The following SMC3 variants were observed in gnomAD, a reference collection of about 807,000 sequenced individuals.
The protein encoded by SMC3 is structural maintenance of chromosomes protein 3.
Under a neutral mutation model 171.8 loss-of-function variants are expected in SMC3, and 20 were observed. The observed-to-expected ratio is 0.12, with a 90% CI of 0.08 to 0.17. SMC3 has a LOEUF of 0.17. Among genes scored for constraint, SMC3 ranks in the 10% least tolerant of loss-of-function variants. The pLI is 1.00. For missense variants in SMC3, 543 were observed against 1,420.4 expected, an observed-to-expected ratio of 0.38 and a Z score of 9.93; for synonymous variants, 464 against 451.1, an observed-to-expected ratio of 1.03 and a Z score of -0.36.
At position 110,583,458 on chromosome 10, in the gene SMC3, T is replaced by C. The variant is rs1283783725; in HGVS notation, c.879T>C (p.Ala293=). The C allele has an allele frequency of 1.9e-6, 3 of 1,614,036 alleles. No individual in the cohort carries two copies. Among genetic ancestry groups the C allele is most frequent in the Admixed American group, 1.7e-5 (1 of 60,034 alleles). The change falls in exon 11 of 29, where the codon GCT becomes GCC. Residue 293 remains alanine, a synonymous_variant. Transcript: ENST00000361804. ...AMKEEKEQLS[A]ERQEQIKQRT... is the part of the protein sequence containing the mutation. The stretch of plus-strand genomic sequence containing the variant: ...AAGAAGAAAAAGAACAGCTTAGTGC[T>C]GAAAGACAAGAGCAGATTAAGCAGA...
Position 110,569,383 on chromosome 10 carries a change from C to A in SMC3, c.91+370C>A, listed in dbSNP as rs73350936. On this transcript the variant is annotated intron_variant, in intron 2 of 28. Transcript: ENST00000361804. ...AAAGTAGATGCCAGGATTCCCCCCCCACCCCGGCAGTCAGTGTCTCTAAGG... is the reference window on the plus strand; with the variant it reads ...AAAGTAGATGCCAGGATTCCCCCCCAACCCCGGCAGTCAGTGTCTCTAAGG... 5.2e-3 allele frequency among the ~76,000 whole-genome samples: 788 copies of A among 152,160 alleles called. 8 individuals carry two copies. The highest frequency in any genetic ancestry group is 0.018 in the African/African-American group (735 of 41,512).
intron 2 of SMC3, among the ~76,000 whole-genome samples, chr10:110,570,675 T>C (rs1860857612): frequency 6.6e-6 from 1 of 152,220 alleles, no homozygotes; most frequent in Non-Finnish European, 1.5e-5. Flanking sequence ...ATCTGTAACT[T>C]ACTAGCTAGA....
chr10:110,578,025 C>T (rs915597410), intron 6 of SMC3, 111 bp downstream of exon 6: 11 of 742,012 alleles, frequency 1.5e-5, no homozygotes, highest in East Asian at 5.3e-5. Context: ...TGATCCACCT[C>T]GGCTTCCTAA....
chr10:110,585,394 A>G (rs1439474852), intron 13 of SMC3, among the ~76,000 whole-genome samples: 5 of 149,996 alleles, frequency 3.3e-5, no homozygotes, highest in African/African-American at 9.8e-5. Context: ...AGTTCAAGCA[A>G]TTCTCTGCCT....
In SMC3 at chr10:110,582,588, A is replaced by G. The variant is rs1225492966; in HGVS notation, c.750A>G (p.Gly250=). Residue 250 remains glycine, a synonymous_variant, in exon 10 of 29, where the codon GGA becomes GGG. Coordinates refer to ENST00000361804, the MANE Select transcript of SMC3 (RefSeq NM_005445.4). ...TTTCTGCTAAGCGAGAGACTAGTGG[A>G]GAAAAATCCAGACAATTAAGAGATG... The part of the protein sequence containing the change: ...DELSAKRETS[G]EKSRQLRDAQ... The G allele has an allele frequency of 6.2e-7, 1 of 1,613,726 alleles. No individual in the cohort carries two copies. Among genetic ancestry groups the G allele is most frequent in the Non-Finnish European group, 8.5e-7 (1 of 1,179,618 alleles).
In SMC3 at chr10:110,605,330, T is replaced by G. The variant is rs1861452234; in HGVS notation, c.*1028T>G. On this transcript the variant is annotated 3_prime_UTR_variant, in exon 29 of 29. Transcript: ENST00000361804. ...TACCTCAATAGTCCTCGTAGCTTTT[T>G]GTAGATTCTTTGAGATTTTCTACAT... is the stretch of plus-strand genomic sequence containing the variant. 6.6e-6 allele frequency among the ~76,000 whole-genome samples: 1 copy of G among 152,176 alleles called. No individual in the cohort carries two copies. Among genetic ancestry groups the G allele is most frequent in the South Asian group, 2.1e-4 (1 of 4,826 alleles).
Position 110,583,425 on chromosome 10 carries a change from A to G in SMC3, c.846A>G (p.Ser282=). Residue 282 remains serine, a synonymous_variant, in exon 11 of 29, where the codon TCA becomes TCG. Transcript: ENST00000361804. ...RQVRELKTKI[S]AMKEEKEQLS... is the part of the protein sequence containing the mutation. ...TTAGAGAATTGAAAACAAAAATTTC[A>G]GCTATGAAAGAAGAAAAAGAACAGC... 1 of 1,614,058 alleles carries G rather than the reference A, an allele frequency of 6.2e-7. No individual in the cohort carries two copies. The highest frequency in any genetic ancestry group is 8.5e-7 in the Non-Finnish European group (1 of 1,179,950).
At chr10:110,595,917 C>CTT (rs10639343) in intron 18 of SMC3, among the ~76,000 whole-genome samples, 7,986 of 101,416 alleles carry the variant, frequency 0.079, 538 homozygotes, top group African/African-American at 0.12. Context: ...ACTGGAGGTT[C>CTT]TTTTTTTTTT....
In SMC3 at chr10:110,601,789, T is replaced by C; in HGVS notation, c.2797T>C (p.Leu933=). The C allele has an allele frequency of 6.2e-7, 1 of 1,613,878 alleles. No individual in the cohort carries two copies. Among genetic ancestry groups the C allele is most frequent in the Middle Eastern group, 1.7e-4 (1 of 6,056 alleles). The change falls in exon 24 of 29, where the codon TTG becomes CTG. Residue 933 remains leucine (L), a synonymous_variant. Transcript: ENST00000361804. ...EKMTNRQGML[L]KKKEECMKKI... Reference sequence around the variant, plus strand: ...GATGACAAATCGGCAAGGCATGCTATTGAAGAAGAAAGAAGAGTGTATGAA... The same window carrying C: ...GATGACAAATCGGCAAGGCATGCTACTGAAGAAGAAAGAAGAGTGTATGAA...
intron 7 of SMC3, 107 bp downstream of exon 7, chr10:110,578,813 C>G (rs910984772): frequency 1.2e-6 from 1 of 813,934 alleles, no homozygotes; most frequent in African/African-American, 1.7e-5. Context: ...CAAAAATGGC[C>G]ATATTCTTTT....
intron 11 of SMC3, 25 bp from the exon 12 acceptor site, chr10:110,583,809 TAAAGCAG>T: frequency 2.5e-6 from 4 of 1,608,950 alleles, no homozygotes; most frequent in Non-Finnish European, 3.4e-6. Flanking sequence ...GCAAAAAATT[TAAAGCAG>T]TTTGCATTTT....
intron 15 of SMC3, 75 bp downstream of exon 15, chr10:110,590,066 TTCAAGG>T: frequency 7.6e-7 from 1 of 1,323,568 alleles, no homozygotes; most frequent in Non-Finnish European, 1.1e-6. Context: ...TTTTTTACCT[TTCAAGG>T]TGTAGGTCAT....
chr10:110,596,356 T>C, intron 18 of SMC3, 42 bp from the exon 19 acceptor site: 1 of 1,548,504 alleles, frequency 6.5e-7, no homozygotes, highest in Admixed American at 2.0e-5. Context: ...TATCATTGAA[T>C]AAAAAAGTTG....
chr10:110,602,683 T>G lies in SMC3; in HGVS notation c.3297+18T>G, dbSNP rs1273743290. 1.4e-5 allele frequency: 23 copies of G among 1,603,086 alleles called. No homozygotes were observed. Among genetic ancestry groups the G allele is most frequent in the Non-Finnish European group, 1.9e-5 (22 of 1,170,078 alleles). On this transcript the variant is annotated intron_variant, in intron 26 of 28. Coordinates refer to ENST00000361804, the MANE Select transcript of SMC3 (RefSeq NM_005445.4). ...GAATTAGGGTAAAATACCTTTATAT[T>G]CCATTTTCCTCAGAGCATTACCATA... is the stretch of plus-strand genomic sequence containing the variant.
intron 2 of SMC3, 151 bp downstream of exon 2, chr10:110,569,164 C>A: frequency 1.5e-6 from 1 of 661,516 alleles, no homozygotes; most frequent in South Asian, 1.7e-5. Context: ...TCTTATTGCA[C>A]TGATGAATTG....
At chr10:110,588,033 C>G (rs1861151103) in intron 13 of SMC3, among the ~76,000 whole-genome samples, 1 of 152,178 alleles carries the variant, frequency 6.6e-6, no homozygotes, top group Non-Finnish European at 1.5e-5. Context: ...GCTGTGTCAC[C>G]AGGTTGGAGT....
chr10:110,576,679 A>G (rs945495497), intron 4 of SMC3, among the ~76,000 whole-genome samples: 12 of 152,170 alleles, frequency 7.9e-5, no homozygotes, highest in Non-Finnish European at 1.6e-4. Flanking sequence ...TTTGTAGCCC[A>G]GTAATCAGAA....
Position 110,601,766 on chromosome 10 carries a change from T to C in SMC3, c.2774T>C (p.Met925Thr). 1.9e-6 allele frequency: 3 copies of C among 1,613,840 alleles called. No homozygotes were observed. The highest frequency in any genetic ancestry group is 1.7e-6 in the Non-Finnish European group (2 of 1,179,904). Residue 925 changes from methionine to threonine, a missense_variant, in exon 24 of 29, where the codon ATG (methionine) becomes ACG (threonine). Physicochemically the swap from Met to Thr is moderately conservative, Grantham distance 81. Around this residue, in one of 8 missense-constraint regions of SMC3, gnomAD observed 81 missense variants for 184.2 expected, o/e 0.44. Transcript: ENST00000361804. The part of the protein sequence containing the change: ...INHDTKELEK[M>T]TNRQGMLLKK... ...CATGATACTAAAGAACTGGAAAAGA[T>C]GACAAATCGGCAAGGCATGCTATTG...
chr10:110,587,911 G>T (rs1590559826), intron 13 of SMC3, among the ~76,000 whole-genome samples: 1 of 152,140 alleles, frequency 6.6e-6, no homozygotes, highest in African/African-American at 2.4e-5. Context: ...ACTCTTTTAT[G>T]GTTTCAGATA....
Sources: gnomAD v4.1 joint callset for allele counts (sites outside exome capture counted in the v4.1 genomes callset) on GRCh38, gnomAD v4.1.1 for gene constraint, gnomAD v4.1.1 regional missense constraint, MANE v1.5 for transcripts, NCBI Gene and HGNC (gene_info 2026-07-23, HGNC 2026-07-21) for gene names.